The following TENM2 variants were observed in gnomAD, a reference collection of about 807,000 sequenced individuals.
TENM2 encodes the protein teneurin transmembrane protein 2, also known as teneurin-2.
A neutral mutation model predicts 245.2 loss-of-function variants in TENM2; 52 were observed. That is an observed-to-expected ratio of 0.21 (90% CI 0.17 to 0.27). The LOEUF is 0.27. Ranked by LOEUF, TENM2 falls within the 10% of genes least tolerant of loss-of-function variation. The probability of loss-of-function intolerance (pLI) is 1.00; values close to 1 mark genes in which losing one functional copy is unlikely to be tolerated. For synonymous variants in TENM2, 1,363 were observed against 1,438.9 expected (o/e 0.95, Z 1.19); for missense variants, 3,046 against 3,666.8 (o/e 0.83, Z 4.37).
At chr5:167,720,442 G>T (rs1192237714) in intron 2 of TENM2, among the ~76,000 whole-genome samples, 1 of 152,156 alleles carries the variant, frequency 6.6e-6, no homozygotes, top group Non-Finnish European at 1.5e-5. Context: ...GTAGCACTAA[G>T]AATGACAAGA....
intron 2 of TENM2, among the ~76,000 whole-genome samples, chr5:167,814,453 C>CAAAAAA (rs11324953): frequency 4.8e-5 from 4 of 83,766 alleles, no homozygotes; most frequent in Admixed American, 1.3e-4. Context: ...CACTCCGATT[C>CAAAAAA]AAAAAAAAAA....
At chr5:166,996,202 G>A in the TENM2 span, among the ~76,000 whole-genome samples, 3 of 152,154 alleles carry the variant, frequency 2.0e-5, no homozygotes, top group East Asian at 3.9e-4. Flanking sequence ...AATTAGCCGG[G>A]CGTGGTGGCG....
the TENM2 span, among the ~76,000 whole-genome samples, chr5:167,028,788 G>T: frequency 1.2e-4 from 19 of 152,002 alleles, no homozygotes; most frequent in Non-Finnish European, 2.6e-4. Flanking sequence ...ACACTAAATT[G>T]GTTTCATCTA....
At chr5:167,698,228 C>T (rs7728582) in intron 2 of TENM2, among the ~76,000 whole-genome samples, 7,374 of 152,260 alleles carry the variant, frequency 0.048, 554 homozygotes, top group African/African-American at 0.16. Context: ...TTCGTAACTA[C>T]CTTTCCGGTC....
At chr5:167,764,068 A>G (rs1396578424) in intron 2 of TENM2, among the ~76,000 whole-genome samples, 6 of 152,264 alleles carry the variant, frequency 3.9e-5, no homozygotes, top group East Asian at 1.9e-4. Context: ...TAGGCATCTC[A>G]GATAGGATCT....
At chr5:168,257,903 C>T (rs1399989309) in intron 27 of TENM2, among the ~76,000 whole-genome samples, 4 of 152,068 alleles carry the variant, frequency 2.6e-5, no homozygotes, top group Non-Finnish European at 4.4e-5. Context: ...CGTGAGCCAC[C>T]GTGCCCGGCC....
At chr5:167,125,063 A>G in the TENM2 span, among the ~76,000 whole-genome samples, 3 of 152,222 alleles carry the variant, frequency 2.0e-5, no homozygotes, top group Non-Finnish European at 4.4e-5. Flanking sequence ...AAGTTGTTAG[A>G]AATGCCAAGT....
chr5:167,237,123 A>G, the TENM2 span, among the ~76,000 whole-genome samples: 6 of 152,130 alleles, frequency 3.9e-5, no homozygotes, highest in Non-Finnish European at 8.8e-5. Context: ...TTTCTGTCAG[A>G]CCATAAACTC....
chr5:167,003,961 A>C, the TENM2 span, among the ~76,000 whole-genome samples: 2 of 152,148 alleles, frequency 1.3e-5, no homozygotes, highest in Non-Finnish European at 2.9e-5. Flanking sequence ...GGTTATCTGT[A>C]ACAAAATGTT....
chr5:168,128,262 C>T (rs1381959017), intron 12 of TENM2, among the ~76,000 whole-genome samples: 1 of 152,224 alleles, frequency 6.6e-6, no homozygotes, highest in Non-Finnish European at 1.5e-5. Context: ...CCTCAGTTCC[C>T]TGCAGAGTCT....
chr5:168,058,038 CACAAGCT>C (rs1789708279), intron 6 of TENM2, among the ~76,000 whole-genome samples: 1 of 152,190 alleles, frequency 6.6e-6, no homozygotes. Flanking sequence ...CCCAGCCAAG[CACAAGCT>C]CACATGAGTG....
At chr5:167,828,571 C>A (rs1583120324) in intron 2 of TENM2, among the ~76,000 whole-genome samples, 1 of 152,114 alleles carries the variant, frequency 6.6e-6, no homozygotes, top group Admixed American at 6.6e-5. Flanking sequence ...TTTAATGAGT[C>A]CTTGAACTCA....
intron 1 of TENM2, among the ~76,000 whole-genome samples, chr5:167,354,997 A>T (rs994170285): frequency 6.6e-6 from 1 of 152,180 alleles, no homozygotes; most frequent in African/African-American, 2.4e-5. Flanking sequence ...CTGCCAATGT[A>T]GGTGGGGTGA....
At chr5:167,446,232 T>G (rs1431590214) in intron 2 of TENM2, among the ~76,000 whole-genome samples, 1 of 152,096 alleles carries the variant, frequency 6.6e-6, no homozygotes. Flanking sequence ...GAAAGGCGAG[T>G]GAACACTGAA....
chr5:167,662,923 T>C lies in TENM2; in HGVS notation c.503-213063T>C, dbSNP rs535453508. On this transcript the variant is annotated intron_variant, in intron 2 of 28. Transcript: ENST00000518659. ...ACAGTCAAGTTTGAGAAGCCCATTT[T>C]AGAACAGTGAACTTAACACAAGATG... Among the ~76,000 whole-genome samples the C allele has an allele frequency of 3.3e-5, 5 of 152,340 alleles. No homozygotes were observed. In the South Asian group the frequency reaches 8.3e-4, roughly 25 times the overall value.
intron 2 of TENM2, among the ~76,000 whole-genome samples, chr5:167,682,741 C>T (rs1016615187): frequency 6.6e-5 from 10 of 152,092 alleles, no homozygotes; most frequent in Non-Finnish European, 1.0e-4. Flanking sequence ...TCCCAACAGA[C>T]GGCCTGGGGA....
intron 2 of TENM2, among the ~76,000 whole-genome samples, chr5:167,438,155 C>T (rs1044569179): frequency 2.0e-5 from 3 of 152,184 alleles, no homozygotes; most frequent in Non-Finnish European, 4.4e-5. Flanking sequence ...ATCCATCTTT[C>T]CGACTTTAGT....
At chr5:167,969,788 C>A (rs1392420629) in intron 4 of TENM2, among the ~76,000 whole-genome samples, 1 of 152,202 alleles carries the variant, frequency 6.6e-6, no homozygotes, top group Non-Finnish European at 1.5e-5. Context: ...CAACAACACT[C>A]CCTTGATTGA....
rs1243310323 is a variant in TENM2 at position 167,992,935 on chromosome 5, T to C, written c.948-9T>C. 6.2e-7 allele frequency: 1 copy of C among 1,612,026 alleles called. No individual in the cohort carries two copies. The highest frequency in any genetic ancestry group is 1.1e-5 in the South Asian group (1 of 91,020). ...ATGACCACTCTGACTCTTTCCCTTT[T>C]CCTGGCAGGCACTTCCTCTTCAAGA... On this transcript the variant is annotated splice_polypyrimidine_tract_variant and intron_variant, in intron 4 of 28. Coordinates refer to ENST00000518659, the Ensembl canonical transcript of TENM2.
Sources: gnomAD v4.1 joint callset for allele counts (sites outside exome capture counted in the v4.1 genomes callset) on GRCh38, gnomAD v4.1.1 for gene constraint, MANE v1.5 for transcripts, NCBI Gene and HGNC (gene_info 2026-07-23, HGNC 2026-07-21) for gene names.